PTP4A1: variants seen among roughly 807,000 people sequenced by gnomAD.
The protein encoded by PTP4A1 is protein tyrosine phosphatase type IVA 1.
Under a neutral mutation model 20.5 loss-of-function variants are expected in PTP4A1, and 9 were observed. The ratio of observed to expected loss-of-function variants is 0.44; its 90% CI spans 0.26 to 0.77. The LOEUF (loss-of-function observed/expected upper bound fraction) is 0.77. Ranked by LOEUF, PTP4A1 falls within the 30% of genes least tolerant of loss-of-function variation. The pLI is 0.19. For synonymous variants in PTP4A1, 78 were observed against 67.4 expected, an observed-to-expected ratio of 1.16 and a Z score of -0.77; for missense variants, 137 against 218.8, an observed-to-expected ratio of 0.63 and a Z score of 2.36.
At chr6:63,524,132 G>A (rs557148286) in intron 1 of PTP4A1, among the ~76,000 whole-genome samples, 6 of 152,042 alleles carry the variant, frequency 3.9e-5, no homozygotes, top group Admixed American at 6.6e-5. Flanking sequence ...CTACAGGCCC[G>A]CACCACCACA....
chr6:63,552,733 A>G (rs971033071), intron 3 of PTP4A1, among the ~76,000 whole-genome samples: 6 of 152,218 alleles, frequency 3.9e-5, no homozygotes, highest in African/African-American at 1.4e-4. Flanking sequence ...GAAGGGATCC[A>G]GTTTCAGCTT....
chr6:63,559,424 C>T (rs571188521), intron 3 of PTP4A1, among the ~76,000 whole-genome samples: 22 of 152,080 alleles, frequency 1.4e-4, no homozygotes, highest in East Asian at 5.8e-4. Flanking sequence ...ATGGCTTAAA[C>T]GCAGCAAAAA....
At chr6:63,580,032 C>G in intron 5 of PTP4A1, 25 bp from the exon 6 acceptor site, 1 of 1,357,130 alleles carries the variant, frequency 7.4e-7, no homozygotes, top group South Asian at 1.2e-5. Flanking sequence ...TGCCTTGTTT[C>G]ATTTTTTTTT....
At chr6:63,541,531 C>T (rs1029824545) in intron 2 of PTP4A1, among the ~76,000 whole-genome samples, 8 of 151,966 alleles carry the variant, frequency 5.3e-5, no homozygotes, top group East Asian at 1.9e-4. Context: ...CCAGCCTGGG[C>T]GACCTTGTCT....
Position 63,580,206 on chromosome 6 carries a change from A to G in PTP4A1, c.*32A>G, listed in dbSNP as rs528551398. The G allele has an allele frequency of 6.6e-7, 1 of 1,504,474 alleles. No individual in the cohort carries two copies. Among genetic ancestry groups the G allele is most frequent in the Non-Finnish European group, 9.2e-7 (1 of 1,082,246 alleles). The allele number at this position is 1,504,474 out of a possible 1,614,324, so 93.2% of individuals were successfully genotyped here. On this transcript the variant is annotated 3_prime_UTR_variant, in exon 6 of 6. Coordinates refer to ENST00000626021, the MANE Select transcript of PTP4A1 (RefSeq NM_003463.5). ...GGTGCCTAATGCTACTGGAAGTGGA[A>G]CTTGAGATAGGGCCTAATTTGTTAT... is the stretch of plus-strand genomic sequence containing the variant.
intron 3 of PTP4A1, among the ~76,000 whole-genome samples, chr6:63,559,438 T>C (rs1776839146): frequency 6.6e-6 from 1 of 151,960 alleles, no homozygotes; most frequent in African/African-American, 2.4e-5. Context: ...GCAAAAAAAA[T>C]CATTTGGTTT....
intron 3 of PTP4A1, among the ~76,000 whole-genome samples, chr6:63,555,692 C>CTTTT (rs35538550): frequency 7.4e-6 from 1 of 135,006 alleles, no homozygotes; most frequent in Non-Finnish European, 1.6e-5. Flanking sequence ...CAATTACACT[C>CTTTT]TTTTTTTTTT....
rs563023879 is a variant in PTP4A1, at chr6:63,552,761, A to G, written c.-446+2268A>G. Reference sequence around the variant, plus strand: ...TTCAGCTTTCTACATATGGCTAGCCAGTTTTCCCAACACCATTTATTAAAT... The same window carrying G: ...TTCAGCTTTCTACATATGGCTAGCCGGTTTTCCCAACACCATTTATTAAAT... On this transcript the variant is annotated intron_variant, in intron 3 of 3. Coordinates refer to the PTP4A1 transcript ENST00000639568. Among the ~76,000 whole-genome samples, 404 of 152,302 alleles carry G rather than the reference A, an allele frequency of 2.7e-3. 1 individual carries two copies. Among genetic ancestry groups the G allele is most frequent in the African/African-American group, 9.2e-3 (381 of 41,562 alleles).
chr6:63,536,244 C>G (rs1478575561), intron 2 of PTP4A1, among the ~76,000 whole-genome samples: 1 of 152,098 alleles, frequency 6.6e-6, no homozygotes, highest in Non-Finnish European at 1.5e-5. Flanking sequence ...GCAGGAGAAT[C>G]GCTCGAACCT....
Position 63,552,853 on chromosome 6 carries a change from G to A in PTP4A1, c.-446+2360G>A, listed in dbSNP as rs149013141. On this transcript the variant is annotated intron_variant, in intron 3 of 3. Coordinates refer to the PTP4A1 transcript ENST00000639568. ...AAAGATCAGATGATTGTAGATGTGT[G>A]GTATTATTTCTGAGGGCTCTGTTCT... 2.6e-3 allele frequency among the ~76,000 whole-genome samples: 389 copies of A among 152,198 alleles called. 2 individuals carry two copies. The highest frequency in any genetic ancestry group is 8.9e-3 in the African/African-American group (371 of 41,520).
intron 2 of PTP4A1, among the ~76,000 whole-genome samples, chr6:63,544,554 A>C (rs1350420948): frequency 2.6e-5 from 4 of 152,156 alleles, no homozygotes; most frequent in Non-Finnish European, 2.9e-5. Context: ...CCTTTATAGT[A>C]AAATAAAAAC....
intron 1 of PTP4A1, among the ~76,000 whole-genome samples, chr6:63,527,033 T>A (rs1228717803): frequency 6.6e-6 from 1 of 152,010 alleles, no homozygotes; most frequent in Non-Finnish European, 1.5e-5. Flanking sequence ...CTGCACCTTA[T>A]ATATGTATTT....
rs1778289683 is a variant in PTP4A1 at position 63,582,350 on chromosome 6, T to C, written c.*2176T>C. 2 of 152,734 alleles carry C rather than the reference T, an allele frequency of 1.3e-5. No individual in the cohort carries two copies. The highest frequency in any genetic ancestry group is 3.4e-3 in the Middle Eastern group (1 of 292). 9.5% of individuals were successfully genotyped at this position (152,734 alleles called of 1,614,324 possible). On this transcript the variant is annotated 3_prime_UTR_variant, in exon 6 of 6. Transcript: ENST00000626021. ...TGATTAATGAAAACTATCTTTTGAG[T>C]TTGAAAAGAAATTAATTTGCAGTGT...
In PTP4A1 at chr6:63,529,175, A is replaced by G. The variant is rs1016333834; in HGVS notation, c.-640+1091A>G. 8.5e-5 allele frequency among the ~76,000 whole-genome samples: 12 copies of G among 141,982 alleles called. 1 individual carries two copies. Among genetic ancestry groups the G allele is most frequent in the Admixed American group, 1.4e-4 (2 of 13,844 alleles). The allele number at this position is 141,982 out of a possible 152,430, so 93.1% of individuals were successfully genotyped here. On this transcript the variant is annotated intron_variant, in intron 2 of 3. Coordinates refer to the PTP4A1 transcript ENST00000639568. ...TATATATATGTGTGTATATATATAT[A>G]TGTATATATATGTGTGTATATATAT...
upstream of PTP4A1, among the ~76,000 whole-genome samples, chr6:63,519,094 C>T (rs1039088713): frequency 6.6e-6 from 1 of 152,064 alleles, no homozygotes; most frequent in Non-Finnish European, 1.5e-5. Flanking sequence ...GCGGGCAGAT[C>T]GCCTGAAGTT....
chr6:63,550,069 A>C (rs1039367923), intron 2 of PTP4A1, among the ~76,000 whole-genome samples: 1 of 152,206 alleles, frequency 6.6e-6, no homozygotes, highest in African/African-American at 2.4e-5. Flanking sequence ...TGTACTCCAT[A>C]ATATGTGCAA....
chr6:63,523,387 A>T (rs1489749427), intron 1 of PTP4A1, among the ~76,000 whole-genome samples: 1 of 152,088 alleles, frequency 6.6e-6, no homozygotes, highest in East Asian at 1.9e-4. Flanking sequence ...CACAAAAATT[A>T]GCCAGGCATG....
chr6:63,548,895 A>G (rs2149488710), intron 2 of PTP4A1: 2 of 864,748 alleles, frequency 2.3e-6, no homozygotes, highest in South Asian at 2.6e-5. Context: ...GTTAACCTGT[A>G]TGAAGGCGAC....
At chr6:63,563,617 A>C (rs1187988629) in intron 3 of PTP4A1, among the ~76,000 whole-genome samples, 1 of 152,170 alleles carries the variant, frequency 6.6e-6, no homozygotes, top group Non-Finnish European at 1.5e-5. Context: ...CCTGTATATA[A>C]ATTTCATTGG....
Sources: gnomAD v4.1 joint callset for allele counts (sites outside exome capture counted in the v4.1 genomes callset) on GRCh38, gnomAD v4.1.1 for gene constraint, MANE v1.5 for transcripts, NCBI Gene and HGNC (gene_info 2026-07-23, HGNC 2026-07-21) for gene names.